Variants in CD58 observed in about 807,000 individuals in gnomAD.
The protein encoded by CD58 is lymphocyte function-associated antigen 3.
Under a neutral mutation model 27.6 loss-of-function variants are expected in CD58, and 14 were observed. That is an observed-to-expected ratio of 0.51 (90% CI 0.34 to 0.79). CD58 has a LOEUF of 0.79. Ranked by LOEUF, CD58 falls within the 30% of genes least tolerant of loss-of-function variation. The pLI is 0.02. For missense variants in CD58, 268 were observed against 301.7 expected, an observed-to-expected ratio of 0.89 and a Z score of 0.83; for synonymous variants, 117 against 103.8, an observed-to-expected ratio of 1.13 and a Z score of -0.77.
At position 116,557,402 on chromosome 1, in the gene CD58, G is replaced by A. The variant is rs934628030; in HGVS notation, c.71-12798C>T. On this transcript the variant is annotated intron_variant, in intron 1 of 5. Coordinates refer to ENST00000369489, the MANE Select transcript of CD58 (RefSeq NM_001779.3). The surrounding 1 kb of genome is among the most constrained non-coding windows in gnomAD (Gnocchi z 5.2). ...GCCTCATCACCAAAGCAAGATGGGA[G>A]GACCTGCGGGCTCCACCTTCCCAAC... Among the ~76,000 whole-genome samples the A allele has an allele frequency of 6.6e-6, 1 of 152,138 alleles. No homozygotes were observed. Among genetic ancestry groups the A allele is most frequent in the African/African-American group, 2.4e-5 (1 of 41,422 alleles).
rs561556876 is a variant in CD58, at chr1:116,527,100, T to C, written c.629-5117A>G. Reference sequence around the variant, plus strand: ...GGTCAATTCGTTTGGATTGTATACATAGATATTCATGTCATCTGAGAACTA... The same window carrying C: ...GGTCAATTCGTTTGGATTGTATACACAGATATTCATGTCATCTGAGAACTA... On this transcript the variant is annotated intron_variant, in intron 3 of 5. Coordinates refer to ENST00000369489, the MANE Select transcript of CD58 (RefSeq NM_001779.3). The surrounding 1 kb of genome is among the most constrained non-coding windows in gnomAD (Gnocchi z 4.4). 4.4e-4 allele frequency among the ~76,000 whole-genome samples: 67 copies of C among 152,360 alleles called. No homozygotes were observed. The South Asian group carries it at 0.012, about 27-fold the overall frequency.
chr1:116,568,479 C>T (rs1659020157), intron 1 of CD58, among the ~76,000 whole-genome samples: 1 of 152,154 alleles, frequency 6.6e-6, no homozygotes. Context: ...TTCCATCACC[C>T]CTTTCTTTGC....
In CD58 at chr1:116,522,882, G is replaced by A. The variant is rs1657310314; in HGVS notation, c.629-899C>T. Among the ~76,000 whole-genome samples, 3 of 152,198 alleles carry A rather than the reference G, an allele frequency of 2.0e-5. No homozygotes were observed. The highest frequency in any genetic ancestry group is 6.5e-5 in the Admixed American group (1 of 15,278). On this transcript the variant is annotated intron_variant, in intron 3 of 5. Coordinates refer to ENST00000369489, the MANE Select transcript of CD58 (RefSeq NM_001779.3). This position sits in a 1 kb window ranked among gnomAD's most constrained non-coding sequence, Gnocchi z 4.6. ...GCATCTAGACATTGCACTAAGTCAT[G>A]TGCCTATAGTCTCACTAAGTCATTA... is the stretch of plus-strand genomic sequence containing the variant.
At chr1:116,539,951 A>T (rs1657942209) in intron 2 of CD58, among the ~76,000 whole-genome samples, 1 of 152,224 alleles carries the variant, frequency 6.6e-6, no homozygotes. Flanking sequence ...AGAATTTCTT[A>T]CACATATCTG....
rs2101201728 is a variant in CD58 at position 116,550,411 on chromosome 1, T to A, written c.71-5807A>T. Among the ~76,000 whole-genome samples, 1 of 152,314 alleles carries A rather than the reference T, an allele frequency of 6.6e-6. No individual in the cohort carries two copies. Among genetic ancestry groups the A allele is most frequent in the East Asian group, 1.9e-4 (1 of 5,188 alleles). On this transcript the variant is annotated intron_variant, in intron 1 of 5. Transcript: ENST00000369489. This position sits in a 1 kb window ranked among gnomAD's most constrained non-coding sequence, Gnocchi z 4.2. Reference sequence around the variant, plus strand: ...ATCTTCACCAGGAGTATAGATGCCATCTGAAGAAACCACTTTCTTTGCTCA... The same window carrying A: ...ATCTTCACCAGGAGTATAGATGCCAACTGAAGAAACCACTTTCTTTGCTCA...
At chr1:116,548,839 T>C (rs1177370974) in intron 1 of CD58, among the ~76,000 whole-genome samples, 1 of 152,216 alleles carries the variant, frequency 6.6e-6, no homozygotes, top group Non-Finnish European at 1.5e-5. Context: ...TTTTATTGAA[T>C]GCTTACTCTC....
At position 116,519,660 on chromosome 1, in the gene CD58, T is replaced by C. The variant is rs776094572; in HGVS notation, c.707-393A>G. ...AAGTAAAAAAAAATGTAAATTTTAATATTTTATTTAACACAATGTGTCACA... is the reference window on the plus strand; with the variant it reads ...AAGTAAAAAAAAATGTAAATTTTAACATTTTATTTAACACAATGTGTCACA... On this transcript the variant is annotated intron_variant, in intron 4 of 5. Transcript: ENST00000369489. This position sits in a 1 kb window ranked among gnomAD's most constrained non-coding sequence, Gnocchi z 4.7. Among the ~76,000 whole-genome samples the C allele has an allele frequency of 1.4e-4, 22 of 152,270 alleles. No individual in the cohort carries two copies. Among genetic ancestry groups the C allele is most frequent in the Non-Finnish European group, 2.9e-4 (20 of 68,048 alleles).
intron 1 of CD58, among the ~76,000 whole-genome samples, chr1:116,551,742 T>C (rs867721348): frequency 7.4e-5 from 11 of 149,480 alleles, no homozygotes; most frequent in South Asian, 2.1e-4. Context: ...TTCTTTCTTT[T>C]TTTTTTTTTT....
At chr1:116,551,744 T>TC (rs939166648) in intron 1 of CD58, among the ~76,000 whole-genome samples, 3 of 151,038 alleles carry the variant, frequency 2.0e-5, no homozygotes, top group Non-Finnish European at 4.4e-5. Context: ...CTTTCTTTTT[T>TC]TTTTTTTTTC....
At chr1:116,565,675 G>GAA (rs564701014) in intron 1 of CD58, among the ~76,000 whole-genome samples, 1 of 136,636 alleles carries the variant, frequency 7.3e-6, no homozygotes. Flanking sequence ...AGGGTAGTTA[G>GAA]AAAAAAAAAA....
chr1:116,560,340 T>C (rs1281178285), intron 1 of CD58, among the ~76,000 whole-genome samples: 1 of 152,146 alleles, frequency 6.6e-6, no homozygotes, highest in East Asian at 1.9e-4. Flanking sequence ...AGGTTCTTAC[T>C]AGATCGGTTA....
At position 116,530,229 on chromosome 1, in the gene CD58, G is replaced by A. The variant is rs189303192; in HGVS notation, c.628+5736C>T. 4.8e-5 allele frequency among the ~76,000 whole-genome samples: 7 copies of A among 144,984 alleles called. No homozygotes were observed. The East Asian group carries it at 6.2e-4, about 13-fold the overall frequency. ...TCATTCTTTTTTTTTTTTTTGAGAC[G>A]GAATCTCACTCTGTCACCCAGGCTG... is the stretch of plus-strand genomic sequence containing the variant. On this transcript the variant is annotated intron_variant, in intron 3 of 5. Coordinates refer to ENST00000369489, the MANE Select transcript of CD58 (RefSeq NM_001779.3).
chr1:116,539,997 A>G (rs1199116533), intron 2 of CD58, among the ~76,000 whole-genome samples: 4 of 152,226 alleles, frequency 2.6e-5, no homozygotes, highest in Non-Finnish European at 5.9e-5. Context: ...TATTTTCACG[A>G]ATTTTAGTAA....
intron 1 of CD58, among the ~76,000 whole-genome samples, chr1:116,560,588 T>C (rs1298734802): frequency 6.6e-6 from 1 of 152,212 alleles, no homozygotes; most frequent in African/African-American, 2.4e-5. Context: ...CTTCTAATTT[T>C]TAACTGGCAT....
chr1:116,555,974 C>G (rs1314191793), intron 1 of CD58, among the ~76,000 whole-genome samples: 1 of 152,030 alleles, frequency 6.6e-6, no homozygotes, highest in Non-Finnish European at 1.5e-5. Context: ...AGGTACTCAC[C>G]ACTGGGAGCA....
In CD58 at chr1:116,544,381, T is replaced by C; in HGVS notation, c.294A>G (p.Ser98=). 3.1e-6 allele frequency: 5 copies of C among 1,612,520 alleles called. No homozygotes were observed. Among genetic ancestry groups the C allele is most frequent in the Non-Finnish European group, 4.2e-6 (5 of 1,178,994 alleles). ...ATTCCATTTCATACTCATCTTCATC[T>C]GATGATGTTAAGTTGTAGATAGTGA... The part of the protein sequence containing the change: ...GSLTIYNLTS[S]DEDEYEMESP... The change falls in exon 2 of 6, where the codon TCA becomes TCG. Residue 98 remains serine, a synonymous_variant. Transcript: ENST00000369489.
Position 116,538,908 on chromosome 1 carries a change from T to C in CD58, c.365-2680A>G, listed in dbSNP as rs1230024864. ...ATAAAATGTAAATTCTTCTACCCGC[T>C]ATCTCCAAAGAGGTACAGTATGGTG... On this transcript the variant is annotated intron_variant, in intron 2 of 5. Coordinates refer to ENST00000369489, the MANE Select transcript of CD58 (RefSeq NM_001779.3). This position sits in a 1 kb window ranked among gnomAD's most constrained non-coding sequence, Gnocchi z 4.7. 1.3e-5 allele frequency among the ~76,000 whole-genome samples: 2 copies of C among 152,224 alleles called. No individual in the cohort carries two copies. Among genetic ancestry groups the C allele is most frequent in the African/African-American group, 4.8e-5 (2 of 41,468 alleles).
intron 3 of CD58, among the ~76,000 whole-genome samples, chr1:116,529,799 C>T (rs1408902260): frequency 6.6e-6 from 1 of 152,222 alleles, no homozygotes; most frequent in African/African-American, 2.4e-5. Context: ...TCTTAACTGT[C>T]TCTAAAATTC....
In CD58 at chr1:116,546,915, G is replaced by A. The variant is rs151299022; in HGVS notation, c.71-2311C>T. Among the ~76,000 whole-genome samples, 826 of 152,258 alleles carry A rather than the reference G, an allele frequency of 5.4e-3. 5 individuals are homozygous for A. Among genetic ancestry groups the A allele is most frequent in the Non-Finnish European group, 9.1e-3 (617 of 68,022 alleles). On this transcript the variant is annotated intron_variant, in intron 1 of 5. Transcript: ENST00000369489. The surrounding 1 kb of genome is among the most constrained non-coding windows in gnomAD (Gnocchi z 4.1). ...CTCCTCCCACTTAGCCTGCTTTAAC[G>A]TGAAGATAATGAGGATGAAGACCTT...
Sources: gnomAD v4.1 joint callset for allele counts (sites outside exome capture counted in the v4.1 genomes callset) on GRCh38, gnomAD v4.1.1 for gene constraint, Gnocchi (gnomAD v3.1) non-coding constraint, MANE v1.5 for transcripts, NCBI Gene and HGNC (gene_info 2026-07-23, HGNC 2026-07-21) for gene names.